Variants in IL17D observed in about 807,000 individuals in gnomAD.
IL17D encodes the protein interleukin-17D.
In IL17D, 10 loss-of-function variants were observed where a neutral mutation model predicts 5.7. That is an observed-to-expected ratio of 1.75 (90% CI 1.08 to 2.97). IL17D has a LOEUF of 2.97. Among genes scored for constraint, IL17D ranks in the 30% most tolerant of loss-of-function variants. IL17D has a pLI of 0.00. For synonymous variants in IL17D, 172 were observed against 141.7 expected (o/e 1.21, Z -1.52); for missense variants, 354 against 292.7 (o/e 1.21, Z -1.53).
At chr13:20,715,732 C>A (rs1431322470) in intron 1 of IL17D, among the ~76,000 whole-genome samples, 1 of 151,936 alleles carries the variant, frequency 6.6e-6, no homozygotes, top group African/African-American at 2.4e-5. Flanking sequence ...ATAGATATAT[C>A]TATACATCTT....
At chr13:20,718,130 C>G (rs1295953178) in intron 1 of IL17D, among the ~76,000 whole-genome samples, 2 of 152,068 alleles carry the variant, frequency 1.3e-5, no homozygotes, top group African/African-American at 4.8e-5. Context: ...TTTGGTTTTC[C>G]TGCGGCACAT....
At chr13:20,710,730 G>A (rs1464795235) in intron 1 of IL17D, among the ~76,000 whole-genome samples, 1 of 151,006 alleles carries the variant, frequency 6.6e-6, no homozygotes, top group East Asian at 1.9e-4. Context: ...ATTTTTGGTA[G>A]TCGTCTAAAG....
rs1186627296 is a variant in IL17D at position 20,704,171 on chromosome 13, C to G, written c.170C>G (p.Thr57Arg). The G allele has an allele frequency of 7.3e-7, 1 of 1,373,952 alleles. No individual in the cohort carries two copies. The highest frequency in any genetic ancestry group is 9.5e-7 in the Non-Finnish European group (1 of 1,056,502). The allele number at this position is 1,373,952 out of a possible 1,614,324, so 85.1% of individuals were successfully genotyped here. The stretch of plus-strand genomic sequence containing the variant: ...GGCGTGCTCAGTGCCTTCCACCACA[C>G]GCTGCAGCTGGGGCCGCGTGAGCAG... ...AAGVLSAFHH[T>R]LQLGPREQAR... Residue 57 changes from threonine to arginine, a missense_variant, in exon 1 of 2, where the codon ACG becomes AGG. Transcript: ENST00000682841.
chr13:20,704,117 T>G lies in IL17D; in HGVS notation c.116T>G (p.Leu39Arg). The change falls in exon 1 of 2, where the codon CTG becomes CGG. Residue 39 changes from leucine (L) to arginine (R), a missense_variant. Leu to Arg is a moderately radical substitution (Grantham distance 102, BLOSUM62 -2). Coordinates refer to ENST00000682841, the MANE Select transcript of IL17D (RefSeq NM_001385224.1). ...TGCGCGGACCGGCCGGAGGAGCTAC[T>G]GGAGCAGCTGTACGGGCGCCTGGCG... ...RGCADRPEEL[L>R]EQLYGRLAAG... The G allele has an allele frequency of 7.7e-7, 1 of 1,305,874 alleles. No individual in the cohort carries two copies. 80.9% of individuals were successfully genotyped at this position (1,305,874 alleles called of 1,614,324 possible).
chr13:20,720,825 C>T (rs577629972), intron 1 of IL17D, among the ~76,000 whole-genome samples: 4 of 151,614 alleles, frequency 2.6e-5, no homozygotes, highest in African/African-American at 9.7e-5. Flanking sequence ...CTGATGGCAG[C>T]TTGGCCGGTG....
chr13:20,711,046 T>C (rs6490608), intron 1 of IL17D, among the ~76,000 whole-genome samples: 97,627 of 151,598 alleles, frequency 0.64, 32,816 homozygotes, highest in Non-Finnish European at 0.75. Context: ...GGGTGGATCA[T>C]TTGAGGTCAG....
chr13:20,708,141 G>T (rs1333060214), intron 1 of IL17D, among the ~76,000 whole-genome samples: 1 of 152,196 alleles, frequency 6.6e-6, no homozygotes, highest in Non-Finnish European at 1.5e-5. Context: ...TCGAACTCCT[G>T]GCCTCAAGTG....
At position 20,703,712 on chromosome 13, in the gene IL17D, A is replaced by C. The variant is rs1278571933; in HGVS notation, c.-290A>C. ...ACGCACACGTGCACGCGCGCCCCGCACCCGCCCCCCGTGCGGCCCCCGGCT... is the reference window on the plus strand; with the variant it reads ...ACGCACACGTGCACGCGCGCCCCGCCCCCGCCCCCCGTGCGGCCCCCGGCT... On this transcript the variant is annotated 5_prime_UTR_variant, in exon 1 of 2. Transcript: ENST00000682841. 6.9e-6 allele frequency: 1 copy of C among 144,726 alleles called. No individual in the cohort carries two copies. The highest frequency in any genetic ancestry group is 2.5e-5 in the African/African-American group (1 of 39,678). 9.0% of individuals were successfully genotyped at this position (144,726 alleles called of 1,614,324 possible).
chr13:20,719,812 G>A (rs1331870837), intron 1 of IL17D, among the ~76,000 whole-genome samples: 1 of 152,190 alleles, frequency 6.6e-6, no homozygotes, highest in Non-Finnish European at 1.5e-5. Flanking sequence ...CCCCGAGTTT[G>A]GGTTGCATGT....
intron 1 of IL17D, among the ~76,000 whole-genome samples, chr13:20,708,043 G>T (rs1318402238): frequency 6.6e-6 from 1 of 152,228 alleles, no homozygotes; most frequent in Non-Finnish European, 1.5e-5. Flanking sequence ...TTCTGGAGTA[G>T]CTGGGATTAC....
At chr13:20,720,173 C>G (rs1566521937) in intron 1 of IL17D, among the ~76,000 whole-genome samples, 2 of 152,220 alleles carry the variant, frequency 1.3e-5, no homozygotes, top group South Asian at 4.2e-4. Flanking sequence ...GCCTTCTCCC[C>G]GGGAAGTCGG....
upstream of IL17D, chr13:20,703,461 CAG>C (rs1594993987): frequency 1.0e-6 from 1 of 978,188 alleles, no homozygotes; most frequent in East Asian, 1.1e-4. Context: ...GGAAAGACCA[CAG>C]GGGGCTTCTC....
At position 20,716,319 on chromosome 13, in the gene IL17D, C is replaced by G. The variant is rs927515836; in HGVS notation, c.291-5317C>G. 6.6e-6 allele frequency among the ~76,000 whole-genome samples: 1 copy of G among 152,138 alleles called. No individual in the cohort carries two copies. Among genetic ancestry groups the G allele is most frequent in the Admixed American group, 6.5e-5 (1 of 15,270 alleles). On this transcript the variant is annotated intron_variant, in intron 1 of 1. Coordinates refer to ENST00000682841, the MANE Select transcript of IL17D (RefSeq NM_001385224.1). The surrounding 1 kb of genome is among the most constrained non-coding windows in gnomAD (Gnocchi z 4.2). ...TGTCTTGAGTATTCTTGGCCCTTTT[C>G]TTCTCTCTCTATGAATTTTAGGATC...
chr13:20,704,012 C>T lies in IL17D; in HGVS notation c.11C>T (p.Ala4Val), dbSNP rs1300191010. Residue 4 changes from alanine to valine, a missense_variant, in exon 1 of 2, where the codon GCC becomes GTC. By Grantham distance (64) the Ala-to-Val change is moderately conservative. Coordinates refer to ENST00000682841, the MANE Select transcript of IL17D (RefSeq NM_001385224.1). ...GTCCCTCAGGTCTGGATGCTGGTAG[C>T]CGGCTTCCTGCTGGCGCTGCCGCCG... MLV[A>V]GFLLALPPSW... 3.9e-6 allele frequency: 4 copies of T among 1,023,928 alleles called. No homozygotes were observed. The highest frequency in any genetic ancestry group is 4.7e-6 in the Non-Finnish European group (4 of 858,518). 63.4% of individuals were successfully genotyped at this position (1,023,928 alleles called of 1,614,324 possible).
At chr13:20,717,776 CCTTA>C (rs1235023973) in intron 1 of IL17D, among the ~76,000 whole-genome samples, 2 of 152,170 alleles carry the variant, frequency 1.3e-5, no homozygotes, top group East Asian at 1.9e-4. Context: ...TTGTCAGAGG[CCTTA>C]CTTAGCCCAG....
intron 1 of IL17D, among the ~76,000 whole-genome samples, chr13:20,708,982 AGAAAG>A (rs2058613377): frequency 6.7e-6 from 1 of 148,646 alleles, no homozygotes; most frequent in Non-Finnish European, 1.5e-5. Flanking sequence ...AAAAAAAGAA[AGAAAG>A]AAAAGAAAAG....
upstream of IL17D, chr13:20,703,279 A>T: frequency 1.0e-6 from 1 of 986,106 alleles, no homozygotes; most frequent in Non-Finnish European, 1.2e-6. Context: ...TCTCGGCGCG[A>T]ATCTGAAAGC....
intron 1 of IL17D, among the ~76,000 whole-genome samples, chr13:20,715,129 C>T (rs865952054): frequency 2.0e-5 from 3 of 152,126 alleles, no homozygotes; most frequent in East Asian, 1.9e-4. Flanking sequence ...AACCTGTCTT[C>T]GTGACTCATT....
At chr13:20,714,400 G>C (rs1594999821) in intron 1 of IL17D, among the ~76,000 whole-genome samples, 1 of 152,334 alleles carries the variant, frequency 6.6e-6, no homozygotes, top group Non-Finnish European at 1.5e-5. Flanking sequence ...GGCTTAGGCA[G>C]CTTGGCTGTG....
Sources: allele counts gnomAD v4.1 joint callset (sites outside exome capture counted in the v4.1 genomes callset), GRCh38; gene constraint gnomAD v4.1.1; non-coding constraint Gnocchi (gnomAD v3.1); transcripts MANE v1.5; gene names NCBI Gene and HGNC (gene_info 2026-07-23, HGNC 2026-07-21).